Variants in ST3GAL1 observed in about 807,000 individuals in gnomAD.
The protein encoded by ST3GAL1 is CMP-N-acetylneuraminate-beta-galactosamide-alpha-2,3-sialyltransferase 1.
In ST3GAL1, 16 loss-of-function variants were observed where a neutral mutation model predicts 34.1. The ratio of observed to expected loss-of-function variants is 0.47; its 90% confidence interval spans 0.32 to 0.71. The LOEUF is 0.71. Ranked by LOEUF, ST3GAL1 falls within the 30% of genes least tolerant of loss-of-function variation. The pLI, the probability that ST3GAL1 is intolerant of heterozygous loss-of-function variation, is 0.04. For missense variants in ST3GAL1, 353 were observed against 447.4 expected (o/e 0.79, Z 1.90); for synonymous variants, 191 against 184.7 (o/e 1.03, Z -0.28).
intron 1 of ST3GAL1, among the ~76,000 whole-genome samples, chr8:133,552,728 C>T (rs192718731): frequency 1.3e-5 from 2 of 152,338 alleles, no homozygotes; most frequent in East Asian, 1.9e-4. Context: ...GGGCTCAACA[C>T]ATGGGATCTC....
At chr8:133,549,881 G>A (rs1334374877) in intron 1 of ST3GAL1, among the ~76,000 whole-genome samples, 2 of 152,180 alleles carry the variant, frequency 1.3e-5, no homozygotes, top group African/African-American at 4.8e-5. Context: ...AGAATCGCTT[G>A]AACCTGGGAG....
intron 2 of ST3GAL1, among the ~76,000 whole-genome samples, chr8:133,503,155 C>A (rs976999314): frequency 1.3e-5 from 2 of 152,202 alleles, no homozygotes; most frequent in Non-Finnish European, 1.5e-5. Context: ...GAAATAAACA[C>A]CTGTTGCAAG....
chr8:133,547,804 T>C (rs1818712937), intron 1 of ST3GAL1, among the ~76,000 whole-genome samples: 1 of 152,202 alleles, frequency 6.6e-6, no homozygotes, highest in Admixed American at 6.5e-5. Flanking sequence ...TGGTGATACA[T>C]GAGGATAAAC....
At chr8:133,558,829 G>A (rs780409608) in intron 1 of ST3GAL1, among the ~76,000 whole-genome samples, 16 of 152,262 alleles carry the variant, frequency 1.1e-4, no homozygotes, top group East Asian at 9.6e-4. Flanking sequence ...TTCCAATAAT[G>A]CTGTTTCATT....
intron 2 of ST3GAL1, among the ~76,000 whole-genome samples, chr8:133,500,925 T>A (rs988954581): frequency 5.9e-5 from 9 of 152,144 alleles, no homozygotes; most frequent in African/African-American, 2.4e-5. Flanking sequence ...ATCATACAAA[T>A]AATGAATTAG....
chr8:133,539,913 A>T (rs551060877), intron 2 of ST3GAL1, among the ~76,000 whole-genome samples: 42 of 152,290 alleles, frequency 2.8e-4, no homozygotes, highest in African/African-American at 1.0e-3. Context: ...ATAAGTAAAT[A>T]AAACAAGGAA....
intron 5 of ST3GAL1, among the ~76,000 whole-genome samples, chr8:133,472,141 C>T (rs915226456): frequency 3.3e-5 from 5 of 151,572 alleles, no homozygotes; most frequent in African/African-American, 4.8e-5. Flanking sequence ...TTGCAGGGCA[C>T]GGGGCTGATT....
chr8:133,562,841 C>CCTTCCTTCCTTCCTTCCTTCCTTT (rs1491286901), intron 1 of ST3GAL1, among the ~76,000 whole-genome samples: 9 of 82,498 alleles, frequency 1.1e-4, no homozygotes, highest in African/African-American at 3.6e-4. Context: ...TTCCTTCCTT[C>CCTTCCTTCCTTCCTTCCTTCCTTT]CTTTCTTTCT....
intron 3 of ST3GAL1, among the ~76,000 whole-genome samples, chr8:133,488,967 T>A (rs1330401191): frequency 6.6e-6 from 1 of 152,068 alleles, no homozygotes; most frequent in Non-Finnish European, 1.5e-5. Context: ...GAGAGGGAAC[T>A]GGGGACAGGC....
intron 2 of ST3GAL1, among the ~76,000 whole-genome samples, chr8:133,524,936 G>A (rs142512097): frequency 6.6e-6 from 1 of 152,380 alleles, no homozygotes; most frequent in Non-Finnish European, 1.5e-5. Flanking sequence ...GGAGCCCCTA[G>A]ATCTGGGCTT....
At chr8:133,568,972 G>C (rs1200818122) in intron 1 of ST3GAL1, among the ~76,000 whole-genome samples, 1 of 152,246 alleles carries the variant, frequency 6.6e-6, no homozygotes, top group East Asian at 1.9e-4. Context: ...GGGCAGTACA[G>C]CCCTGATTAC....
intron 1 of ST3GAL1, among the ~76,000 whole-genome samples, chr8:133,562,373 A>C (rs2945722): frequency 0.79 from 119,303 of 151,906 alleles, 47,196 homozygotes; most frequent in Middle Eastern, 0.86. Flanking sequence ...TCATGTCCAG[A>C]TAATTTTTGT....
At chr8:133,471,457 G>A (rs527423126) in intron 5 of ST3GAL1, among the ~76,000 whole-genome samples, 2 of 152,232 alleles carry the variant, frequency 1.3e-5, no homozygotes, top group Non-Finnish European at 2.9e-5. Context: ...GCAGGACCCT[G>A]TGCTGATAAC....
chr8:133,491,709 C>A (rs1008615444), intron 3 of ST3GAL1, among the ~76,000 whole-genome samples: 1 of 152,182 alleles, frequency 6.6e-6, no homozygotes, highest in African/African-American at 2.4e-5. Flanking sequence ...ACTACAATGG[C>A]GAGGCATGCA....
At chr8:133,476,973 T>C (rs1394719980) in intron 3 of ST3GAL1, among the ~76,000 whole-genome samples, 1 of 152,236 alleles carries the variant, frequency 6.6e-6, no homozygotes, top group African/African-American at 2.4e-5. Flanking sequence ...CTCTTCCAGA[T>C]TTTGGATTTC....
intron 3 of ST3GAL1, among the ~76,000 whole-genome samples, chr8:133,489,943 G>A (rs1261586306): frequency 6.6e-6 from 1 of 152,056 alleles, no homozygotes; most frequent in Admixed American, 6.6e-5. Flanking sequence ...TCTCTAACTA[G>A]ATCTAGTGGC....
At chr8:133,486,343 G>A (rs567419248) in intron 3 of ST3GAL1, among the ~76,000 whole-genome samples, 6 of 152,368 alleles carry the variant, frequency 3.9e-5, no homozygotes, top group Non-Finnish European at 2.9e-5. Flanking sequence ...GCAGCTCAGG[G>A]CCTGGCAGGG....
chr8:133,464,920 C>T lies in ST3GAL1; in HGVS notation c.541G>A (p.Val181Ile). 2.5e-6 allele frequency: 4 copies of T among 1,614,000 alleles called. No homozygotes were observed. The highest frequency in any genetic ancestry group is 3.4e-6 in the Non-Finnish European group (4 of 1,179,930). Reference sequence around the variant, plus strand: ...AGATGGTGGGTGGTCTTGGTCCCAACATCAGCTTCAAACCCTGCCGTGGGC... The same window carrying T: ...AGATGGTGGGTGGTCTTGGTCCCAATATCAGCTTCAAACCCTGCCGTGGGC... The part of the protein sequence containing the change: ...KAPTAGFEAD[V>I]GTKTTHHLVY... The change falls in exon 7 of 10, where the codon GTT becomes ATT. Residue 181 changes from valine to isoleucine, a missense_variant. Val to Ile is a conservative substitution (Grantham distance 29). Coordinates refer to ENST00000522652, the MANE Select transcript of ST3GAL1 (RefSeq NM_173344.3).
At chr8:133,554,123 C>T (rs997784518) in intron 1 of ST3GAL1, among the ~76,000 whole-genome samples, 6 of 152,114 alleles carry the variant, frequency 3.9e-5, no homozygotes, top group South Asian at 2.1e-4. Flanking sequence ...GGAATAGGAC[C>T]GCTCCTCATT....
Sources: gnomAD v4.1 joint callset for allele counts (sites outside exome capture counted in the v4.1 genomes callset) on GRCh38, gnomAD v4.1.1 for gene constraint, MANE v1.5 for transcripts, NCBI Gene and HGNC (gene_info 2026-07-23, HGNC 2026-07-21) for gene names.